The following ARHGAP39 variants were observed in gnomAD, a reference collection of about 807,000 sequenced individuals.
ARHGAP39 encodes Rho GTPase activating protein 39.
A neutral mutation model predicts 106.9 loss-of-function variants in ARHGAP39; 44 were observed. That is an observed-to-expected ratio of 0.41 (90% confidence interval 0.32 to 0.53). The LOEUF (loss-of-function observed/expected upper bound fraction) is 0.53, where lower values mean the gene tolerates loss of function less well. ARHGAP39 is among the 20% of genes least tolerant of loss of function. The pLI, the probability that ARHGAP39 is intolerant of heterozygous loss-of-function variation, is 0.21. For synonymous variants in ARHGAP39, 768 were observed against 693.2 expected, an observed-to-expected ratio of 1.11 and a Z score of -1.69; for missense variants, 1,496 against 1,577.3, an observed-to-expected ratio of 0.95 and a Z score of 0.87.
At chr8:144,632,017 C>T (rs1276601117) in intron 1 of ARHGAP39, among the ~76,000 whole-genome samples, 2 of 152,170 alleles carry the variant, frequency 1.3e-5, no homozygotes, top group African/African-American at 2.4e-5. Flanking sequence ...CACTGGTTCT[C>T]ACCCTGTGAG....
At chr8:144,692,865 T>G in the ARHGAP39 span, among the ~76,000 whole-genome samples, 1 of 150,186 alleles carries the variant, frequency 6.7e-6, no homozygotes, top group Non-Finnish European at 1.5e-5. Flanking sequence ...GTTCAAGCGA[T>G]TCTCCTACTT....
rs10109518 is a variant in ARHGAP39, at chr8:144,598,074, G to C, written c.80+7461C>G. On this transcript the variant is annotated intron_variant, in intron 2 of 11. Coordinates refer to ENST00000377307, the MANE Select transcript of ARHGAP39 (RefSeq NM_025251.3). ...CCAGCAGGGAAGGAGAGTCCGGCCA[G>C]AGTAGGAGCTCCGTGGTGGGGAAGG... Among the ~76,000 whole-genome samples the C allele has an allele frequency of 3.6e-3, 556 of 152,388 alleles. 1 individual carries two copies. Among genetic ancestry groups the C allele is most frequent in the Non-Finnish European group, 5.8e-3 (397 of 68,038 alleles).
At chr8:144,687,748 G>A (rs3115777), upstream of ARHGAP39, among the ~76,000 whole-genome samples, 12 of 83,258 alleles carry the variant, frequency 1.4e-4, no homozygotes, top group Admixed American at 5.0e-4. Context: ...TTTACAGTGA[G>A]CACTTCCCAC....
At chr8:144,657,712 C>T (rs1821731094) in intron 1 of ARHGAP39, among the ~76,000 whole-genome samples, 1 of 152,120 alleles carries the variant, frequency 6.6e-6, no homozygotes, top group Non-Finnish European at 1.5e-5. Context: ...GTGTAATTCA[C>T]CATATTAACA....
At chr8:144,574,826 G>A (rs999238936) in intron 3 of ARHGAP39, among the ~76,000 whole-genome samples, 3 of 152,158 alleles carry the variant, frequency 2.0e-5, no homozygotes, top group South Asian at 2.1e-4. Flanking sequence ...ATTTCATACC[G>A]TCTTCACATG....
At position 144,581,007 on chromosome 8, in the gene ARHGAP39, G is replaced by A. The variant is rs750609330; in HGVS notation, c.351C>T (p.Arg117=). The change falls in exon 3 of 12, where the codon CGC becomes CGT. Residue 117 remains arginine (R), a synonymous_variant. Transcript: ENST00000377307. ...GCCCGGGGCTGCTCTCCGCCGAGGC[G>A]CGCGGGGACTCCGTGTTCTGCTTCA... ...QTLKQNTESP[R]ASAESSPGRG... 2 of 1,591,182 alleles carry A rather than the reference G, an allele frequency of 1.3e-6. No homozygotes were observed. The highest frequency in any genetic ancestry group is 1.3e-5 in the African/African-American group (1 of 74,474).
intron 1 of ARHGAP39, among the ~76,000 whole-genome samples, chr8:144,617,341 CG>C (rs1820662958): frequency 6.6e-6 from 1 of 152,126 alleles, no homozygotes; most frequent in African/African-American, 2.4e-5. Context: ...CTTTGGCAGG[CG>C]GGACAAGCGG....
chr8:144,622,309 G>C lies in ARHGAP39; in HGVS notation c.-81-16614C>G, dbSNP rs568000254. Among the ~76,000 whole-genome samples the C allele has an allele frequency of 3.3e-3, 498 of 152,152 alleles. 1 individual carries two copies. Among genetic ancestry groups the C allele is most frequent in the Middle Eastern group, 0.01 (3 of 294 alleles). ...GAATCACTTCCAGTTTCTTAACGTAGGTTCCAGAAAAACTTCAGCAATGTC... is the reference window on the plus strand; with the variant it reads ...GAATCACTTCCAGTTTCTTAACGTACGTTCCAGAAAAACTTCAGCAATGTC... On this transcript the variant is annotated intron_variant, in intron 1 of 11. Coordinates refer to ENST00000377307, the MANE Select transcript of ARHGAP39 (RefSeq NM_025251.3).
In ARHGAP39 at chr8:144,545,783, A is replaced by ACGCGG; in HGVS notation, c.1986_1987insCCGCG (p.Phe663ProfsTer71). ...CTGCGGCTCTGCCGGCTGCTCTCGA[A>ACGCGG]CTGGGCACAGGCAGCGAGGTCCTCA... On this transcript the variant is annotated frameshift_variant, in exon 6 of 12. Coordinates refer to ENST00000377307, the MANE Select transcript of ARHGAP39 (RefSeq NM_025251.3). LOFTEE classifies it high-confidence loss of function. 1 of 1,583,984 alleles carries ACGCGG rather than the reference A, an allele frequency of 6.3e-7. No homozygotes were observed. The highest frequency in any genetic ancestry group is 8.6e-7 in the Non-Finnish European group (1 of 1,165,878).
chr8:144,582,953 C>T (rs1025545910), intron 2 of ARHGAP39, among the ~76,000 whole-genome samples: 5 of 152,180 alleles, frequency 3.3e-5, no homozygotes, highest in South Asian at 4.1e-4. Context: ...ACAAATGCCT[C>T]GGCTTGCTCG....
intron 3 of ARHGAP39, among the ~76,000 whole-genome samples, chr8:144,562,805 G>GACTC (rs1373300977): frequency 2.2e-5 from 3 of 137,554 alleles, no homozygotes; most frequent in Admixed American, 7.2e-5. Context: ...GTTTCCATCG[G>GACTC]ACTCCAGTGG....
At chr8:144,690,321 C>T (rs1374734569), upstream of ARHGAP39, among the ~76,000 whole-genome samples, 5 of 151,702 alleles carry the variant, frequency 3.3e-5, no homozygotes, top group Non-Finnish European at 7.4e-5. Context: ...CCATGTTGGC[C>T]AAGCTGGTCT....
At chr8:144,642,240 A>G (rs1265148939) in intron 1 of ARHGAP39, among the ~76,000 whole-genome samples, 1 of 152,160 alleles carries the variant, frequency 6.6e-6, no homozygotes, top group Non-Finnish European at 1.5e-5. Flanking sequence ...AATCCCAGCA[A>G]TTTGGGAGGC....
At chr8:144,674,285 T>C (rs986109562) in intron 1 of ARHGAP39, among the ~76,000 whole-genome samples, 2 of 152,220 alleles carry the variant, frequency 1.3e-5, no homozygotes, top group African/African-American at 4.8e-5. Flanking sequence ...GGAGCTTCAC[T>C]GTGCGACAGA....
chr8:144,544,958 G>T (rs1030264809), intron 6 of ARHGAP39, among the ~76,000 whole-genome samples: 9 of 152,270 alleles, frequency 5.9e-5, no homozygotes, highest in Non-Finnish European at 1.2e-4. Flanking sequence ...CCTTGTCAGG[G>T]AGCGGGACTG....
intron 1 of ARHGAP39, among the ~76,000 whole-genome samples, chr8:144,658,836 TA>T (rs1159133644): frequency 6.6e-6 from 1 of 152,106 alleles, no homozygotes; most frequent in Non-Finnish European, 1.5e-5. Context: ...ATTATATATG[TA>T]AAAAAATTAA....
chr8:144,681,964 A>C (rs1051147090), intron 1 of ARHGAP39, among the ~76,000 whole-genome samples: 35 of 152,208 alleles, frequency 2.3e-4, no homozygotes, highest in African/African-American at 8.4e-4. Context: ...CTATGTTCTG[A>C]AACAAGTTAA....
At chr8:144,575,205 G>A (rs1369558863) in intron 3 of ARHGAP39, among the ~76,000 whole-genome samples, 1 of 152,198 alleles carries the variant, frequency 6.6e-6, no homozygotes, top group Non-Finnish European at 1.5e-5. Context: ...GTGTCGGTGA[G>A]TGAGCCCTGG....
chr8:144,551,576 G>A (rs944978742), intron 4 of ARHGAP39, among the ~76,000 whole-genome samples: 77 of 152,262 alleles, frequency 5.1e-4, no homozygotes, highest in African/African-American at 1.8e-3. Flanking sequence ...GCCCCACGGC[G>A]CCCAGAGTGT....
Sources: gnomAD v4.1 joint callset for allele counts (sites outside exome capture counted in the v4.1 genomes callset) on GRCh38, gnomAD v4.1.1 for gene constraint, MANE v1.5 for transcripts, NCBI Gene and HGNC (gene_info 2026-07-23, HGNC 2026-07-21) for gene names.